Variants in TTLL5 observed in about 807,000 individuals in gnomAD.
TTLL5 encodes tubulin polyglutamylase TTLL5.
In TTLL5, 132 loss-of-function variants were observed where a neutral mutation model predicts 168.4. The observed-to-expected ratio is 0.78, with a 90% CI of 0.68 to 0.91. TTLL5 has a LOEUF of 0.91. TTLL5 is among the 40% of genes least tolerant of loss of function. TTLL5 has a pLI of 0.00. For synonymous variants in TTLL5, 546 were observed against 558.6 expected (o/e 0.98, Z 0.32); for missense variants, 1,545 against 1,581.5 (o/e 0.98, Z 0.39).
At chr14:75,860,817 T>G (rs1242327947) in intron 28 of TTLL5, among the ~76,000 whole-genome samples, 2 of 152,312 alleles carry the variant, frequency 1.3e-5, no homozygotes, top group Non-Finnish European at 2.9e-5. Context: ...TTATCTTCAG[T>G]AAGCTTTTCT....
intron 6 of TTLL5, among the ~76,000 whole-genome samples, chr14:75,692,937 A>T (rs139416523): frequency 6.6e-6 from 1 of 152,248 alleles, no homozygotes; most frequent in African/African-American, 2.4e-5. Context: ...TGGAAGCTGC[A>T]GTATGGAGAT....
chr14:75,949,629 C>T (rs1056657060), intron 31 of TTLL5, among the ~76,000 whole-genome samples: 1 of 151,442 alleles, frequency 6.6e-6, no homozygotes, highest in African/African-American at 2.4e-5. Context: ...GGGGGATTGC[C>T]CAAGCTCCTA....
At chr14:75,864,111 T>C (rs2030302930) in intron 29 of TTLL5, among the ~76,000 whole-genome samples, 1 of 152,068 alleles carries the variant, frequency 6.6e-6, no homozygotes. Context: ...AATGCTTCTA[T>C]ACAAAAATCT....
At position 75,661,372 on chromosome 14, in the gene TTLL5, T is replaced by A. The variant is rs1890706207; in HGVS notation, c.-111T>A. 1 of 152,192 alleles carries A rather than the reference T, an allele frequency of 6.6e-6. No individual in the cohort carries two copies. The highest frequency in any genetic ancestry group is 2.1e-4 in the South Asian group (1 of 4,828). The allele number at this position is 152,192 out of a possible 1,614,324, so 9.4% of individuals were successfully genotyped here. On this transcript the variant is annotated 5_prime_UTR_variant, in exon 1 of 32. It removes an upstream start codon present in the reference 5' UTR. Coordinates refer to ENST00000298832, the MANE Select transcript of TTLL5 (RefSeq NM_015072.5). ...GTCCACGCCTGCTCGCCCCGAACCA[T>A]GGGAAGATGAGACAGGTAAACGCCT...
chr14:75,842,161 A>G (rs1237510175), intron 28 of TTLL5, among the ~76,000 whole-genome samples: 2 of 152,176 alleles, frequency 1.3e-5, no homozygotes, highest in East Asian at 1.9e-4. Context: ...TTGAATTTTT[A>G]TAGATGCTGT....
At chr14:75,796,771 T>C (rs1201290120) in intron 27 of TTLL5, among the ~76,000 whole-genome samples, 1 of 152,208 alleles carries the variant, frequency 6.6e-6, no homozygotes, top group Non-Finnish European at 1.5e-5. Flanking sequence ...TTCTATTCTG[T>C]TCTATTGGTC....
intron 7 of TTLL5, among the ~76,000 whole-genome samples, chr14:75,701,491 G>C (rs116212883): frequency 3.3e-5 from 5 of 152,324 alleles, no homozygotes; most frequent in African/African-American, 9.6e-5. Flanking sequence ...GGCAAAACAT[G>C]TTGACTCTCA....
intron 3 of TTLL5, 138 bp downstream of exon 3, chr14:75,669,660 A>T: frequency 1.8e-6 from 1 of 554,406 alleles, no homozygotes; most frequent in South Asian, 4.7e-5. Flanking sequence ...TACTTCAAAC[A>T]TTATAATTTC....
intron 2 of TTLL5, among the ~76,000 whole-genome samples, chr14:75,668,113 T>G (rs190063893): frequency 6.6e-6 from 1 of 152,222 alleles, no homozygotes; most frequent in East Asian, 1.9e-4. Flanking sequence ...GCCCTGAGAT[T>G]TGTGGTATGA....
At chr14:75,665,512 T>G (rs1197065933) in intron 2 of TTLL5, among the ~76,000 whole-genome samples, 1 of 152,208 alleles carries the variant, frequency 6.6e-6, no homozygotes, top group Non-Finnish European at 1.5e-5. Flanking sequence ...TGATCACATG[T>G]GATCTAGGGG....
chr14:75,876,196 G>A (rs2031467703), intron 29 of TTLL5, among the ~76,000 whole-genome samples: 1 of 152,212 alleles, frequency 6.6e-6, no homozygotes, highest in South Asian at 2.1e-4. Context: ...ATGAACTGCA[G>A]CCCTAGTCTT....
chr14:75,790,896 AC>A (rs1892662848), intron 26 of TTLL5, among the ~76,000 whole-genome samples: 1 of 149,242 alleles, frequency 6.7e-6, no homozygotes, highest in Non-Finnish European at 1.5e-5. Flanking sequence ...GGAGATCAAG[AC>A]CATCCTGGCT....
chr14:75,753,135 A>G (rs1291630567), intron 18 of TTLL5, among the ~76,000 whole-genome samples, 180 bp downstream of exon 18: 1 of 152,226 alleles, frequency 6.6e-6, no homozygotes, highest in Non-Finnish European at 1.5e-5. Context: ...AACTCTCAGC[A>G]CTTTGTAACA....
chr14:75,746,373 C>T (rs1365583780), intron 17 of TTLL5, among the ~76,000 whole-genome samples: 1 of 152,142 alleles, frequency 6.6e-6, no homozygotes, highest in Non-Finnish European at 1.5e-5. Flanking sequence ...TTGAAGAAAG[C>T]CGCTGTGACC....
At chr14:75,686,137 A>C (rs1170694523) in intron 5 of TTLL5, among the ~76,000 whole-genome samples, 1 of 152,220 alleles carries the variant, frequency 6.6e-6, no homozygotes, top group Non-Finnish European at 1.5e-5. Flanking sequence ...CAGGTTGAGT[A>C]AGTTTTTAAT....
intron 18 of TTLL5, among the ~76,000 whole-genome samples, chr14:75,758,674 A>G (rs889115415): frequency 6.6e-6 from 1 of 152,176 alleles, no homozygotes; most frequent in Admixed American, 6.5e-5. Flanking sequence ...AAGTCCTAAT[A>G]TATTTAAAAG....
At chr14:75,803,826 T>C (rs1893483981) in intron 27 of TTLL5, among the ~76,000 whole-genome samples, 1 of 152,202 alleles carries the variant, frequency 6.6e-6, no homozygotes, top group African/African-American at 2.4e-5. Context: ...CCTTTGTGGT[T>C]ATTGCCATTA....
At chr14:75,924,827 G>C (rs915195297) in intron 31 of TTLL5, among the ~76,000 whole-genome samples, 1 of 152,006 alleles carries the variant, frequency 6.6e-6, no homozygotes, top group Non-Finnish European at 1.5e-5. Context: ...TGGTGGCCGG[G>C]CAGAGGAGCT....
intron 27 of TTLL5, among the ~76,000 whole-genome samples, chr14:75,802,126 GATTT>G (rs1893359072): frequency 6.6e-6 from 1 of 151,854 alleles, no homozygotes; most frequent in Non-Finnish European, 1.5e-5. Flanking sequence ...TTAAAAATAA[GATTT>G]ATTCTGGATA....
Sources: gnomAD v4.1 joint callset for allele counts (sites outside exome capture counted in the v4.1 genomes callset) on GRCh38, gnomAD v4.1.1 for gene constraint, MANE v1.5 for transcripts, NCBI Gene and HGNC (gene_info 2026-07-23, HGNC 2026-07-21) for gene names.